The following IL33 variants were observed in gnomAD, a reference collection of about 807,000 sequenced individuals.
IL33 encodes the protein interleukin 33, also known as interleukin-33.
IL33 carries 37 observed loss-of-function variants against 27.3 expected under a neutral mutation model. The observed-to-expected ratio is 1.36, with a 90% confidence interval of 1.04 to 1.78. The LOEUF (loss-of-function observed/expected upper bound fraction) is 1.78. Ranked by LOEUF, IL33 falls within the 40% of genes most tolerant of loss-of-function variation. The probability of loss-of-function intolerance (pLI) is 0.00; values close to 1 mark genes in which losing one functional copy is unlikely to be tolerated. For missense variants in IL33, 406 were observed against 311.4 expected (o/e 1.30, Z -2.29); for synonymous variants, 132 against 102.9 (o/e 1.28, Z -1.71).
At chr9:6,222,052 G>A (rs1430854162) in intron 1 of IL33, among the ~76,000 whole-genome samples, 1 of 152,252 alleles carries the variant, frequency 6.6e-6, no homozygotes, top group East Asian at 1.9e-4. Flanking sequence ...GTCATACCAT[G>A]GTGGTCAAGC....
intron 1 of IL33, among the ~76,000 whole-genome samples, chr9:6,221,586 T>TTCA (rs1818414902): frequency 6.6e-6 from 1 of 152,200 alleles, no homozygotes; most frequent in Non-Finnish European, 1.5e-5. Context: ...AGTATAAAAC[T>TTCA]TAGAAGTCTA....
Position 6,241,778 on chromosome 9 carries a change from G to T in IL33, c.84G>T (p.Lys28Asn). The T allele has an allele frequency of 6.2e-7, 1 of 1,608,206 alleles. No individual in the cohort carries two copies. The highest frequency in any genetic ancestry group is 8.5e-7 in the Non-Finnish European group (1 of 1,176,748). The change falls in exon 2 of 8, where the codon AAG becomes AAT. Residue 28 changes from lysine (K) to asparagine (N), a missense_variant. By Grantham distance (94) the Lys-to-Asn change is moderately conservative. Coordinates refer to ENST00000682010, the MANE Select transcript of IL33 (RefSeq NM_033439.4). ...KNTASKALCF[K>N]LGKSQQKAKE... ...CAGCAAGCAAAGCCTTGTGTTTCAAGCTGGGAAGTAAGGACTTAAGTTATC... is the reference window on the plus strand; with the variant it reads ...CAGCAAGCAAAGCCTTGTGTTTCAATCTGGGAAGTAAGGACTTAAGTTATC...
At chr9:6,227,418 G>A (rs10118776) in intron 1 of IL33, among the ~76,000 whole-genome samples, 143,684 of 152,290 alleles carry the variant, frequency 0.94, 67,798 homozygotes, top group East Asian at 1. Context: ...GCAGCATTTT[G>A]GTTGTTTTTA....
Position 6,253,605 on chromosome 9 carries a change from A to G in IL33, c.520+3A>G. 6.2e-7 allele frequency: 1 copy of G among 1,604,720 alleles called. No individual in the cohort carries two copies. Among genetic ancestry groups the G allele is most frequent in the Non-Finnish European group, 8.5e-7 (1 of 1,172,988 alleles). ...TCAACACCCCTCAAATGAATCAGGTAATTTGGAGGGCTGGGTAGCTGTAGT... is the reference window on the plus strand; with the variant it reads ...TCAACACCCCTCAAATGAATCAGGTGATTTGGAGGGCTGGGTAGCTGTAGT... On this transcript the variant is annotated splice_donor_region_variant and intron_variant, in intron 6 of 7. Coordinates refer to ENST00000682010, the MANE Select transcript of IL33 (RefSeq NM_033439.4).
At chr9:6,233,475 GT>G (rs1345681946) in intron 1 of IL33, among the ~76,000 whole-genome samples, 1 of 152,008 alleles carries the variant, frequency 6.6e-6, no homozygotes, top group East Asian at 1.9e-4. Flanking sequence ...TATTATGTAA[GT>G]TTTCCTCTTT....
At chr9:6,222,125 G>A (rs1486919076) in intron 1 of IL33, among the ~76,000 whole-genome samples, 2 of 152,162 alleles carry the variant, frequency 1.3e-5, no homozygotes, top group African/African-American at 4.8e-5. Flanking sequence ...AAACTTTATG[G>A]AAATGAAATA....
chr9:6,251,322 C>T, intron 4 of IL33, 57 bp downstream of exon 4: 1 of 1,598,972 alleles, frequency 6.3e-7, no homozygotes, highest in South Asian at 1.1e-5. Context: ...ACACAGGACC[C>T]CGGAAAGTGC....
intron 1 of IL33, among the ~76,000 whole-genome samples, chr9:6,226,658 T>A (rs1254413015): frequency 2.6e-5 from 4 of 152,260 alleles, no homozygotes; most frequent in Admixed American, 2.6e-4. Flanking sequence ...CTTTTATGTC[T>A]AGATATTCTA....
chr9:6,254,706 T>C (rs1816626821), intron 7 of IL33, among the ~76,000 whole-genome samples, 153 bp downstream of exon 7: 1 of 152,186 alleles, frequency 6.6e-6, no homozygotes, highest in African/African-American at 2.4e-5. Flanking sequence ...TTACTACAAA[T>C]GACTTGCTTC....
At chr9:6,219,594 T>G (rs1818326423) in intron 1 of IL33, among the ~76,000 whole-genome samples, 1 of 152,180 alleles carries the variant, frequency 6.6e-6, no homozygotes, top group East Asian at 1.9e-4. Context: ...CTGTGTAATT[T>G]TGGATCTTAC....
At chr9:6,240,263 T>G (rs924310188) in intron 1 of IL33, among the ~76,000 whole-genome samples, 1 of 152,150 alleles carries the variant, frequency 6.6e-6, no homozygotes, top group African/African-American at 2.4e-5. Flanking sequence ...TAGGGAGACA[T>G]GAGACTTCAA....
intron 2 of IL33, among the ~76,000 whole-genome samples, chr9:6,244,058 A>G (rs1038125157): frequency 2.0e-5 from 3 of 152,222 alleles, no homozygotes; most frequent in Admixed American, 2.0e-4. Context: ...CATAAAAAGT[A>G]CATTTTCTTT....
At chr9:6,240,690 T>A (rs1023946055) in intron 1 of IL33, among the ~76,000 whole-genome samples, 7 of 152,186 alleles carry the variant, frequency 4.6e-5, no homozygotes, top group Non-Finnish European at 1.0e-4. Flanking sequence ...AAGGCGTAGG[T>A]CGTTACTGAC....
rs140630093 is a variant in IL33, at chr9:6,245,795, G to A, written c.91+4010G>A. On this transcript the variant is annotated intron_variant, in intron 2 of 7. Coordinates refer to ENST00000682010, the MANE Select transcript of IL33 (RefSeq NM_033439.4). ...AATTGGGTAGACGCCAGGTGTTGTG[G>A]CTCAAGCCTGTAATCCCAGAACTTT... Among the ~76,000 whole-genome samples, 830 of 152,244 alleles carry A rather than the reference G, an allele frequency of 5.5e-3. 3 individuals carry two copies. The highest frequency in any genetic ancestry group is 0.048 in the Middle Eastern group (14 of 294).
chr9:6,253,611 G>A lies in IL33; in HGVS notation c.520+9G>A. 6.2e-7 allele frequency: 1 copy of A among 1,603,302 alleles called. No homozygotes were observed. The highest frequency in any genetic ancestry group is 8.5e-7 in the Non-Finnish European group (1 of 1,171,930). On this transcript the variant is annotated intron_variant, in intron 6 of 7. Coordinates refer to ENST00000682010, the MANE Select transcript of IL33 (RefSeq NM_033439.4). ...CCCCTCAAATGAATCAGGTAATTTGGAGGGCTGGGTAGCTGTAGTGCTTGA... is the reference window on the plus strand; with the variant it reads ...CCCCTCAAATGAATCAGGTAATTTGAAGGGCTGGGTAGCTGTAGTGCTTGA...
At chr9:6,222,297 T>C (rs1370017634) in intron 1 of IL33, among the ~76,000 whole-genome samples, 2 of 152,190 alleles carry the variant, frequency 1.3e-5, no homozygotes, top group African/African-American at 2.4e-5. Context: ...CATTTGGTTG[T>C]ACAATAAAAT....
intron 1 of IL33, among the ~76,000 whole-genome samples, chr9:6,237,556 A>C (rs1303158310): frequency 6.6e-6 from 1 of 152,200 alleles, no homozygotes; most frequent in Non-Finnish European, 1.5e-5. Context: ...CATGAGGGTG[A>C]TAAGACGGGA....
intron 1 of IL33, among the ~76,000 whole-genome samples, chr9:6,236,653 C>T (rs548370897): frequency 3.3e-5 from 5 of 152,148 alleles, no homozygotes; most frequent in East Asian, 3.9e-4. Context: ...GGATCACTTG[C>T]GGTCAGGAGT....
chr9:6,239,469 A>T (rs1447670853), intron 1 of IL33, among the ~76,000 whole-genome samples: 1 of 152,150 alleles, frequency 6.6e-6, no homozygotes, highest in Non-Finnish European at 1.5e-5. Flanking sequence ...TCAGAAATTC[A>T]TGCCTTCTGC....
Sources: gnomAD v4.1 joint callset for allele counts (sites outside exome capture counted in the v4.1 genomes callset) on GRCh38, gnomAD v4.1.1 for gene constraint, MANE v1.5 for transcripts, NCBI Gene and HGNC (gene_info 2026-07-23, HGNC 2026-07-21) for gene names.